Variants in STAG1 observed in about 807,000 individuals in gnomAD.
STAG1 encodes the protein cohesin subunit SA-1.
Under a neutral mutation model 170.9 loss-of-function variants are expected in STAG1, and 26 were observed. The ratio of observed to expected loss-of-function variants is 0.15; its 90% confidence interval spans 0.11 to 0.21. The LOEUF (loss-of-function observed/expected upper bound fraction) is 0.21. Ranked by LOEUF, STAG1 falls within the 10% of genes least tolerant of loss-of-function variation. STAG1 has a pLI of 1.00. For synonymous variants in STAG1, 514 were observed against 497.7 expected, an observed-to-expected ratio of 1.03 and a Z score of -0.44; for missense variants, 964 against 1,509.5, an observed-to-expected ratio of 0.64 and a Z score of 5.99.
At chr3:136,378,281 T>A (rs958224865) in intron 22 of STAG1, among the ~76,000 whole-genome samples, 16 of 152,244 alleles carry the variant, frequency 1.1e-4, no homozygotes, top group Non-Finnish European at 2.4e-4. Flanking sequence ...AACTCTTAAC[T>A]GCAGCAAAGT....
intron 1 of STAG1, among the ~76,000 whole-genome samples, chr3:136,743,269 G>A (rs1202109072): frequency 6.6e-6 from 1 of 151,970 alleles, no homozygotes; most frequent in Non-Finnish European, 1.5e-5. Flanking sequence ...TCGGGAGGCT[G>A]AGGCAGGAGA....
chr3:136,384,268 T>C (rs181133171), intron 22 of STAG1, among the ~76,000 whole-genome samples: 2 of 143,986 alleles, frequency 1.4e-5, no homozygotes, highest in Admixed American at 7.1e-5. Context: ...CTGGCCAACA[T>C]GGCAAAACCC....
chr3:136,629,398 T>A (rs1940235515), intron 2 of STAG1, among the ~76,000 whole-genome samples: 1 of 152,004 alleles, frequency 6.6e-6, no homozygotes. Context: ...AGGGCAGAAG[T>A]GTATAAGTAC....
intron 1 of STAG1, among the ~76,000 whole-genome samples, chr3:136,669,508 C>A (rs1941915811): frequency 6.6e-6 from 1 of 152,034 alleles, no homozygotes; most frequent in African/African-American, 2.4e-5. Context: ...CGCACAACCA[C>A]CATGCCTAAC....
At chr3:136,359,323 A>G (rs374434759) in intron 26 of STAG1, 27 bp from the exon 27 acceptor site, 385 of 1,519,708 alleles carry the variant, frequency 2.5e-4, no homozygotes, top group Middle Eastern at 3.5e-4. Context: ...AAGAAGAAAA[A>G]ACCTATAGCT....
intron 9 of STAG1, among the ~76,000 whole-genome samples, chr3:136,489,917 T>C (rs1253190302): frequency 6.6e-6 from 1 of 152,180 alleles, no homozygotes; most frequent in Non-Finnish European, 1.5e-5. Flanking sequence ...GGAAGGCTTT[T>C]GAAAGGTAGT....
Position 136,749,761 on chromosome 3 carries a change from A to G in STAG1, c.-84+2434T>C, listed in dbSNP as rs1014346086. ...CTCCATCTCAAAAAAAAAAAAAAAG[A>G]AAAACAACTCTAAGCCTCAGATATG... On this transcript the variant is annotated intron_variant, in intron 1 of 33. Transcript: ENST00000383202. Among the ~76,000 whole-genome samples, 10 of 151,322 alleles carry G rather than the reference A, an allele frequency of 6.6e-5. No individual in the cohort carries two copies. In the South Asian group the frequency reaches 1.3e-3, roughly 19 times the overall value.
intron 1 of STAG1, among the ~76,000 whole-genome samples, chr3:136,713,579 C>A (rs1943441864): frequency 4.1e-5 from 6 of 147,348 alleles, no homozygotes; most frequent in Admixed American, 4.0e-4. Context: ...CGAAACTCCA[C>A]CTCAAAAAAA....
chr3:136,421,690 T>C (rs895831410), intron 19 of STAG1, among the ~76,000 whole-genome samples: 41 of 152,088 alleles, frequency 2.7e-4, no homozygotes, highest in African/African-American at 8.9e-4. Flanking sequence ...AAATAAGCAA[T>C]TGGAGATGTT....
chr3:136,378,784 T>C (rs1448699360), intron 22 of STAG1, among the ~76,000 whole-genome samples: 1 of 152,174 alleles, frequency 6.6e-6, no homozygotes, highest in African/African-American at 2.4e-5. Flanking sequence ...TAGCGAGGGG[T>C]TGAAACTAGG....
intron 21 of STAG1, among the ~76,000 whole-genome samples, chr3:136,405,763 C>T (rs542966104): frequency 8.4e-5 from 10 of 118,746 alleles, no homozygotes; most frequent in South Asian, 2.8e-4. Flanking sequence ...TGCGCTCCAG[C>T]CTGGGTGACA....
At chr3:136,409,032 G>C (rs768696343) in intron 21 of STAG1, among the ~76,000 whole-genome samples, 14 of 152,080 alleles carry the variant, frequency 9.2e-5, no homozygotes, top group Non-Finnish European at 1.6e-4. Flanking sequence ...TTGGGAGGCC[G>C]AGGCGGGTGG....
At chr3:136,718,930 T>TA (rs933395998) in intron 1 of STAG1, among the ~76,000 whole-genome samples, 13 of 151,098 alleles carry the variant, frequency 8.6e-5, no homozygotes, top group East Asian at 3.9e-4. Context: ...CTACCTCAAA[T>TA]AAAAAAAAGG....
At position 136,377,707 on chromosome 3, in the gene STAG1, C is replaced by G. The variant is rs765578658; in HGVS notation, c.2323G>C (p.Val775Leu). 5.0e-6 allele frequency: 8 copies of G among 1,614,054 alleles called. No homozygotes were observed. Among genetic ancestry groups the G allele is most frequent in the Non-Finnish European group, 6.8e-6 (8 of 1,179,986 alleles). ...ACATTAGACAGGCACTGCTGGCAAA[C>G]AGCCAAAAAGGATTTCACCGTTTTC... Reference protein sequence around the residue: ...LRKTVKSFLAVCQQCLSNVNT... With the variant: ...LRKTVKSFLALCQQCLSNVNT... The change falls in exon 23 of 34, where the codon GTT becomes CTT. Residue 775 changes from valine (V) to leucine (L), a missense_variant. Transcript: ENST00000383202.
At chr3:136,385,346 G>A (rs1323475711) in intron 22 of STAG1, among the ~76,000 whole-genome samples, 14 of 151,862 alleles carry the variant, frequency 9.2e-5, no homozygotes, top group Admixed American at 2.0e-4. Context: ...AGGCTGAGGC[G>A]GGAGGATCTC....
intron 6 of STAG1, among the ~76,000 whole-genome samples, chr3:136,540,849 A>AAAAAAAC (rs1935860804): frequency 1.4e-5 from 2 of 145,834 alleles, no homozygotes; most frequent in Non-Finnish European, 3.0e-5. Flanking sequence ...AAAAAAAAAA[A>AAAAAAAC]AAACCTATAT....
intron 23 of STAG1, among the ~76,000 whole-genome samples, chr3:136,369,652 T>C (rs1937216079): frequency 6.6e-6 from 1 of 152,090 alleles, no homozygotes; most frequent in Non-Finnish European, 1.5e-5. Context: ...AATTGATAGA[T>C]TATAACAAAG....
At chr3:136,695,455 G>A (rs552700013) in intron 1 of STAG1, among the ~76,000 whole-genome samples, 2 of 151,524 alleles carry the variant, frequency 1.3e-5, no homozygotes, top group Admixed American at 1.3e-4. Context: ...AAAAAAGAGA[G>A]AGACAGACCG....
chr3:136,523,939 G>A (rs1486391012), intron 6 of STAG1, among the ~76,000 whole-genome samples: 1 of 152,124 alleles, frequency 6.6e-6, no homozygotes, highest in Non-Finnish European at 1.5e-5. Context: ...GCTCTGCTCT[G>A]TTCCATAGGT....
Sources: allele counts gnomAD v4.1 joint callset (sites outside exome capture counted in the v4.1 genomes callset), GRCh38; gene constraint gnomAD v4.1.1; transcripts MANE v1.5; gene names NCBI Gene and HGNC (gene_info 2026-07-23, HGNC 2026-07-21).